ADAMTSL1: variants seen among roughly 807,000 people sequenced by gnomAD.
The protein encoded by ADAMTSL1 is ADAMTS like 1.
ADAMTSL1 carries 126 observed loss-of-function variants against 201.8 expected under a neutral mutation model. The ratio of observed to expected loss-of-function variants is 0.62; its 90% CI spans 0.54 to 0.72. The LOEUF is 0.72. Among genes scored for constraint, ADAMTSL1 ranks in the 30% least tolerant of loss-of-function variants. ADAMTSL1 has a pLI of 0.00. For missense variants in ADAMTSL1, 2,679 were observed against 2,277.8 expected, an observed-to-expected ratio of 1.18 and a Z score of -3.59; for synonymous variants, 1,121 against 903.4, an observed-to-expected ratio of 1.24 and a Z score of -4.32.
chr9:18,346,385 G>A (rs1343814589), intron 2 of ADAMTSL1, among the ~76,000 whole-genome samples: 2 of 152,096 alleles, frequency 1.3e-5, no homozygotes, highest in Admixed American at 6.6e-5. Context: ...AAAAGAGCTC[G>A]AGCTTTTGGA....
intron 2 of ADAMTSL1, among the ~76,000 whole-genome samples, chr9:18,204,408 G>C (rs1829566977): frequency 1.3e-5 from 2 of 151,888 alleles, no homozygotes; most frequent in Non-Finnish European, 2.9e-5. Flanking sequence ...CACCATGATT[G>C]TAAGTTTCTT....
chr9:18,859,457 T>C (rs2131408751), intron 23 of ADAMTSL1, among the ~76,000 whole-genome samples: 1 of 152,344 alleles, frequency 6.6e-6, no homozygotes, highest in South Asian at 2.1e-4. Flanking sequence ...ATTTGCAAAG[T>C]CCCTTTTGTC....
intron 20 of ADAMTSL1, among the ~76,000 whole-genome samples, chr9:18,802,510 G>C (rs1822865566): frequency 6.6e-6 from 1 of 152,084 alleles, no homozygotes; most frequent in Non-Finnish European, 1.5e-5. Context: ...TTAGCATAAA[G>C]TTTTCAAGAT....
chr9:18,409,951 A>G (rs1255650392), intron 2 of ADAMTSL1, among the ~76,000 whole-genome samples: 1 of 151,444 alleles, frequency 6.6e-6, no homozygotes, highest in Non-Finnish European at 1.5e-5. Flanking sequence ...TACAGCTAGG[A>G]TATACGTTAT....
At chr9:17,939,685 T>C (rs1827156036) in intron 1 of ADAMTSL1, among the ~76,000 whole-genome samples, 1 of 152,102 alleles carries the variant, frequency 6.6e-6, no homozygotes, top group Admixed American at 6.6e-5. Flanking sequence ...CATTCATTCA[T>C]TTACTTAGGG....
intron 2 of ADAMTSL1, among the ~76,000 whole-genome samples, chr9:18,165,045 T>G (rs943433066): frequency 1.3e-5 from 2 of 151,284 alleles, no homozygotes; most frequent in Admixed American, 6.6e-5. Flanking sequence ...CATATATTGG[T>G]TTTTTTTTCT....
chr9:17,998,431 T>C (rs1819474537), intron 1 of ADAMTSL1, among the ~76,000 whole-genome samples: 2 of 152,092 alleles, frequency 1.3e-5, no homozygotes, highest in Admixed American at 1.3e-4. Flanking sequence ...AGTTAAGTAA[T>C]GCTAGGCTGC....
At chr9:18,746,391 C>T (rs184726788) in intron 15 of ADAMTSL1, among the ~76,000 whole-genome samples, 2 of 152,142 alleles carry the variant, frequency 1.3e-5, no homozygotes, top group Non-Finnish European at 1.5e-5. Context: ...GTCCACCTCC[C>T]GACCTCAGAG....
chr9:17,995,352 T>C (rs1000530713), intron 1 of ADAMTSL1, among the ~76,000 whole-genome samples: 1 of 152,124 alleles, frequency 6.6e-6, no homozygotes, highest in African/African-American at 2.4e-5. Flanking sequence ...GGACTGCTTT[T>C]ACCAGATAGA....
chr9:18,146,753 A>G (rs1289833311), intron 1 of ADAMTSL1, among the ~76,000 whole-genome samples: 1 of 152,156 alleles, frequency 6.6e-6, no homozygotes, highest in Non-Finnish European at 1.5e-5. Context: ...CTTATAAAGA[A>G]CACACAGGAT....
intron 1 of ADAMTSL1, among the ~76,000 whole-genome samples, chr9:18,162,787 G>C (rs999548901): frequency 2.6e-5 from 4 of 151,908 alleles, no homozygotes; most frequent in African/African-American, 9.7e-5. Flanking sequence ...AAGACAATGT[G>C]ATATACCGTG....
chr9:18,489,132 A>G (rs1345259909), intron 1 of ADAMTSL1, among the ~76,000 whole-genome samples: 2 of 152,222 alleles, frequency 1.3e-5, no homozygotes, highest in African/African-American at 2.4e-5. Context: ...TTTCCCAGGT[A>G]ATTTGAATGT....
chr9:18,049,399 G>C (rs1396130870), intron 1 of ADAMTSL1, among the ~76,000 whole-genome samples: 1 of 152,164 alleles, frequency 6.6e-6, no homozygotes, highest in African/African-American at 2.4e-5. Context: ...GGTTTTCTGG[G>C]AAAGGTTTCC....
exon 2 of ADAMTSL1, chr9:18,163,874 C>G (rs1050033789): frequency 4.6e-5 from 7 of 151,972 alleles, no homozygotes; most frequent in South Asian, 4.1e-4. Context: ...ATGCGGAGAC[C>G]AAAGCCAAGG....
At chr9:18,308,072 A>G (rs964920886) in intron 2 of ADAMTSL1, among the ~76,000 whole-genome samples, 1 of 152,164 alleles carries the variant, frequency 6.6e-6, no homozygotes, top group African/African-American at 2.4e-5. Context: ...TGGAATCTGA[A>G]CAACCTGCTC....
chr9:18,666,463 A>G (rs1249436579), intron 9 of ADAMTSL1, among the ~76,000 whole-genome samples: 1 of 152,178 alleles, frequency 6.6e-6, no homozygotes. Flanking sequence ...GGGCATTCCC[A>G]GAAGTCCAGA....
chr9:18,828,296 C>T (rs1824722499), intron 22 of ADAMTSL1, among the ~76,000 whole-genome samples: 1 of 152,006 alleles, frequency 6.6e-6, no homozygotes, highest in South Asian at 2.1e-4. Context: ...GCTGTAAGGA[C>T]ATTAGGAGGG....
chr9:18,891,924 C>CAAGA (rs1344167226), intron 25 of ADAMTSL1, among the ~76,000 whole-genome samples: 4 of 152,198 alleles, frequency 2.6e-5, no homozygotes, highest in African/African-American at 9.7e-5. Flanking sequence ...GCCAAAAGTC[C>CAAGA]AAGATCAAGG....
intron 5 of ADAMTSL1, among the ~76,000 whole-genome samples, chr9:18,625,224 C>T (rs1326028022): frequency 6.6e-6 from 1 of 152,112 alleles, no homozygotes; most frequent in African/African-American, 2.4e-5. Flanking sequence ...ACTTCTGGCA[C>T]TCAGATTCCC....
Sources: allele counts gnomAD v4.1 joint callset (sites outside exome capture counted in the v4.1 genomes callset), GRCh38; gene constraint gnomAD v4.1.1; transcripts MANE v1.5; gene names NCBI Gene and HGNC (gene_info 2026-07-23, HGNC 2026-07-21).